The following RCN1 variants were observed in gnomAD, a reference collection of about 807,000 sequenced individuals.
The protein encoded by RCN1 is reticulocalbin 1, also known as reticulocalbin-1.
In RCN1, 14 loss-of-function variants were observed where a neutral mutation model predicts 34.7. That is an observed-to-expected ratio of 0.40 (90% CI 0.27 to 0.63). The LOEUF is 0.63. RCN1 is among the 30% of genes least tolerant of loss of function. The pLI, the probability that RCN1 is intolerant of heterozygous loss-of-function variation, is 0.37. For synonymous variants in RCN1, 125 were observed against 165.5 expected, an observed-to-expected ratio of 0.76 and a Z score of 1.88; for missense variants, 326 against 425.1, an observed-to-expected ratio of 0.77 and a Z score of 2.05.
At chr11:32,100,355 G>A (rs1280337289) in intron 3 of RCN1, among the ~76,000 whole-genome samples, 193 bp from the exon 4 acceptor site, 1 of 152,190 alleles carries the variant, frequency 6.6e-6, no homozygotes, top group African/African-American at 2.4e-5. Flanking sequence ...CTGGAAACTG[G>A]GGTGGGGGAT....
At chr11:32,091,570 A>C in intron 1 of RCN1, 120 bp downstream of exon 1, 2 of 1,317,958 alleles carry the variant, frequency 1.5e-6, no homozygotes, top group Non-Finnish European at 2.0e-6. Flanking sequence ...GGCCTCGAGG[A>C]TGGGGCCCTG....
At chr11:32,095,776 C>T (rs1271920929) in intron 1 of RCN1, among the ~76,000 whole-genome samples, 1 of 151,776 alleles carries the variant, frequency 6.6e-6, no homozygotes, top group South Asian at 2.1e-4. Flanking sequence ...TACTCTCAAA[C>T]TCTTGGCCTC....
In RCN1 at chr11:32,100,483, T is replaced by C. The variant is rs186860944; in HGVS notation, c.628-65T>C. 1.3e-4 allele frequency: 171 copies of C among 1,319,812 alleles called. 2 individuals are homozygous for C. In the East Asian group the frequency reaches 3.7e-3, roughly 29 times the overall value. The allele number at this position is 1,319,812 out of a possible 1,614,324, so 81.8% of individuals were successfully genotyped here. A position where few individuals can be genotyped will look rare whatever the true frequency, so the allele number is the denominator to read the frequency against. ...GTAAAAGCTGGACAAATGAGGACAATAGAATTCTCAGACTTCTTAGAGCAC... is the reference window on the plus strand; with the variant it reads ...GTAAAAGCTGGACAAATGAGGACAACAGAATTCTCAGACTTCTTAGAGCAC... On this transcript the variant is annotated intron_variant, in intron 3 of 5. Transcript: ENST00000054950.
intron 2 of RCN1, among the ~76,000 whole-genome samples, chr11:32,097,605 C>T (rs1180812618): frequency 6.6e-6 from 1 of 152,136 alleles, no homozygotes; most frequent in African/African-American, 2.4e-5. Context: ...GTCTCAGATG[C>T]ACACACGGAG....
At position 32,102,461 on chromosome 11, in the gene RCN1, G is replaced by C. The variant is rs563112346; in HGVS notation, c.689-820G>C. The C allele has an allele frequency of 3.3e-5, 5 of 151,970 alleles. No homozygotes were observed. The South Asian group carries it at 8.3e-4, about 25-fold the overall frequency. The allele number at this position is 151,970 out of a possible 1,614,324, so 9.4% of individuals were successfully genotyped here. Reference sequence around the variant, plus strand: ...CCTGACATTTCCAAGCTCTGCTTCCGTGACAGAGAAACTGCCTGCAGGGTA... The same window carrying C: ...CCTGACATTTCCAAGCTCTGCTTCCCTGACAGAGAAACTGCCTGCAGGGTA... On this transcript the variant is annotated intron_variant, in intron 4 of 5. Transcript: ENST00000054950.
Position 32,104,440 on chromosome 11 carries a change from G to A in RCN1, c.964G>A (p.Glu322Lys), listed in dbSNP as rs1852084450. 3.2e-6 allele frequency: 5 copies of A among 1,540,946 alleles called. No individual in the cohort carries two copies. The highest frequency in any genetic ancestry group is 4.5e-6 in the Non-Finnish European group (5 of 1,115,580). Residue 322 changes from glutamate (E) to lysine (K), a missense_variant, in exon 6 of 6, where the codon GAA (glutamate) becomes AAA (lysine). Glu to Lys is a moderately conservative substitution (Grantham distance 56). Transcript: ENST00000054950. ...CGGAAGCCAAGCTACCAATTACGGG[G>A]AAGATCTCACAAAAAATCATGATGA... ...FVGSQATNYGEDLTKNHDEL is the reference protein window; with the variant it reads ...FVGSQATNYGKDLTKNHDEL
rs1248755498 is a variant in RCN1, at chr11:32,104,372, A to C, written c.896A>C (p.Lys299Thr). 6.4e-7 allele frequency: 1 copy of C among 1,563,760 alleles called. No homozygotes were observed. The highest frequency in any genetic ancestry group is 2.2e-5 in the East Asian group (1 of 44,488). The change falls in exon 6 of 6, where the codon AAG becomes ACG. Residue 299 changes from lysine to threonine, a missense_variant. By Grantham distance (78) the Lys-to-Thr change is moderately conservative. Transcript: ENST00000054950. ...VYESDKNKDE[K>T]LTKEEILENW... is the part of the protein sequence containing the mutation. ...CTTTGATCTCTTCTATAGGATGAGA[A>C]GCTAACTAAAGAGGAAATATTGGAG... is the stretch of plus-strand genomic sequence containing the variant.
At chr11:32,097,850 G>A (rs1044323311) in intron 2 of RCN1, among the ~76,000 whole-genome samples, 6 of 152,118 alleles carry the variant, frequency 3.9e-5, no homozygotes, top group African/African-American at 7.2e-5. Context: ...AAACAAGATC[G>A]GGAGAAGGAA....
intron 4 of RCN1, 68 bp downstream of exon 4, chr11:32,100,676 G>C (rs1852027578): frequency 2.3e-6 from 3 of 1,291,864 alleles, no homozygotes; most frequent in African/African-American, 1.5e-5. Context: ...CACACGTCTG[G>C]CTACTTTCCC....
chr11:32,094,843 T>C (rs1459235423), intron 1 of RCN1, among the ~76,000 whole-genome samples: 1 of 152,226 alleles, frequency 6.6e-6, no homozygotes, highest in Non-Finnish European at 1.5e-5. Flanking sequence ...GGTGTTCTGA[T>C]GAAAGTGCTA....
intron 4 of RCN1, chr11:32,102,301 G>A (rs868387217): frequency 1.3e-5 from 2 of 152,010 alleles, no homozygotes; most frequent in African/African-American, 2.4e-5. Context: ...TACAGGATTC[G>A]ATGAAGCTCG....
At chr11:32,094,497 A>G (rs1301889113) in intron 1 of RCN1, among the ~76,000 whole-genome samples, 2 of 152,326 alleles carry the variant, frequency 1.3e-5, no homozygotes, top group Admixed American at 6.5e-5. Flanking sequence ...CCAAGTGGCC[A>G]TAGGTCCCAT....
At chr11:32,095,094 A>G (rs1851957806) in intron 1 of RCN1, among the ~76,000 whole-genome samples, 1 of 152,170 alleles carries the variant, frequency 6.6e-6, no homozygotes, top group South Asian at 2.1e-4. Context: ...TGGGTAACCC[A>G]CTGGCATGTC....
intron 1 of RCN1, among the ~76,000 whole-genome samples, chr11:32,095,520 G>A (rs917518891): frequency 3.3e-5 from 5 of 152,092 alleles, no homozygotes; most frequent in African/African-American, 4.8e-5. Context: ...CCATTCTCCT[G>A]CTTCAGCCTC....
chr11:32,097,105 CT>C, intron 1 of RCN1, 38 bp from the exon 2 acceptor site: 1 of 1,430,832 alleles, frequency 7.0e-7, no homozygotes, highest in South Asian at 1.6e-5. Flanking sequence ...AGCCTTGTGC[CT>C]GTGTGTGGGT....
chr11:32,104,313 C>T (rs974890296), intron 5 of RCN1, 52 bp from the exon 6 acceptor site: 9 of 1,042,838 alleles, frequency 8.6e-6, no homozygotes, highest in African/African-American at 6.2e-5. Flanking sequence ...TCATACAGAA[C>T]TAGTACAGTT....
intron 3 of RCN1, among the ~76,000 whole-genome samples, chr11:32,098,802 C>T (rs1852003378): frequency 1.3e-5 from 2 of 152,104 alleles, no homozygotes; most frequent in Non-Finnish European, 2.9e-5. Context: ...AGTTGGGTAC[C>T]CAGTTCTCCT....
rs187714715 is a variant in RCN1 at position 32,104,829 on chromosome 11, G to A, written c.*357G>A. The stretch of plus-strand genomic sequence containing the variant: ...AGTGGGTTGAGGGAGGCAGTAATAT[G>A]AAGTGACTGCTGTGTATTTTAACTA... On this transcript the variant is annotated 3_prime_UTR_variant, in exon 6 of 6. Transcript: ENST00000054950. 4.8e-6 allele frequency: 1 copy of A among 206,382 alleles called. No individual in the cohort carries two copies. Among genetic ancestry groups the A allele is most frequent in the East Asian group, 1.5e-4 (1 of 6,634 alleles). 12.8% of individuals were successfully genotyped at this position (206,382 alleles called of 1,614,324 possible).
chr11:32,100,731 T>C, intron 4 of RCN1, 123 bp downstream of exon 4: 1 of 691,366 alleles, frequency 1.4e-6, no homozygotes. Flanking sequence ...ACGTCACTCC[T>C]GGGAGCTTCC....
Sources: allele counts gnomAD v4.1 joint callset (sites outside exome capture counted in the v4.1 genomes callset), GRCh38; gene constraint gnomAD v4.1.1; transcripts MANE v1.5; gene names NCBI Gene and HGNC (gene_info 2026-07-23, HGNC 2026-07-21).